The following SUGCT variants were observed in gnomAD, a reference collection of about 807,000 sequenced individuals.
SUGCT encodes the protein succinyl-CoA:glutarate CoA-transferase.
SUGCT carries 41 observed loss-of-function variants against 55.0 expected under a neutral mutation model. The observed-to-expected ratio is 0.74, with a 90% CI of 0.58 to 0.97. The LOEUF (loss-of-function observed/expected upper bound fraction) is 0.97, where lower values mean the gene tolerates loss of function less well. SUGCT is among the 50% of genes least tolerant of loss of function. The pLI, the probability that SUGCT is intolerant of heterozygous loss-of-function variation, is 0.00. For synonymous variants in SUGCT, 187 were observed against 200.4 expected (o/e 0.93, Z 0.56); for missense variants, 568 against 547.8 (o/e 1.04, Z -0.37).
chr7:40,950,662 A>C, the SUGCT span, among the ~76,000 whole-genome samples: 1 of 152,184 alleles, frequency 6.6e-6, no homozygotes, highest in Admixed American at 6.5e-5. Flanking sequence ...AGTTTTTAAC[A>C]TGAAGGGCTG....
chr7:40,299,395 AAAC>A (rs1484994914), intron 8 of SUGCT, among the ~76,000 whole-genome samples: 12 of 152,154 alleles, frequency 7.9e-5, no homozygotes, highest in Admixed American at 1.3e-4. Context: ...AAAACAAGAA[AAAC>A]AACAACAACA....
intron 12 of SUGCT, among the ~76,000 whole-genome samples, chr7:40,596,901 T>C (rs1356931008): frequency 6.6e-6 from 1 of 152,206 alleles, no homozygotes; most frequent in South Asian, 2.1e-4. Flanking sequence ...TTTCTGTAAC[T>C]AGTAGCAAGC....
At chr7:40,909,609 C>T in the SUGCT span, among the ~76,000 whole-genome samples, 8 of 152,282 alleles carry the variant, frequency 5.3e-5, no homozygotes, top group Middle Eastern at 3.4e-3. Flanking sequence ...CCTTCACTAA[C>T]GACGGCCTTT....
At chr7:40,152,373 C>A (rs1279901564) in intron 1 of SUGCT, 1 of 152,608 alleles carries the variant, frequency 6.6e-6, no homozygotes, top group Non-Finnish European at 1.5e-5. Flanking sequence ...AGGTCAGATC[C>A]CTTTCTCTGT....
chr7:40,448,946 GTGTGTATA>G (rs1789023301), intron 9 of SUGCT, among the ~76,000 whole-genome samples: 1 of 145,398 alleles, frequency 6.9e-6, no homozygotes. Context: ...GTGTGTGTGT[GTGTGTATA>G]TATATATAGA....
At chr7:40,304,049 A>C (rs1359657316) in intron 8 of SUGCT, among the ~76,000 whole-genome samples, 1 of 122,458 alleles carries the variant, frequency 8.2e-6, no homozygotes, top group South Asian at 2.4e-4. Flanking sequence ...ACTCCATCTC[A>C]AAAAAAAAAA....
intron 13 of SUGCT, among the ~76,000 whole-genome samples, chr7:40,761,832 A>G (rs12540736): frequency 0.013 from 2,055 of 152,314 alleles, 144 homozygotes; most frequent in East Asian, 0.092. Flanking sequence ...AGGAAACCAA[A>G]TAAGAAAACT....
intron 11 of SUGCT, among the ~76,000 whole-genome samples, chr7:40,486,517 TTGG>T (rs1791358881): frequency 6.6e-6 from 1 of 152,078 alleles, no homozygotes; most frequent in African/African-American, 2.4e-5. Context: ...AATTTTGGGG[TTGG>T]TCTGTTTTTG....
At chr7:40,488,287 G>A (rs768632924) in intron 11 of SUGCT, among the ~76,000 whole-genome samples, 14 of 151,982 alleles carry the variant, frequency 9.2e-5, no homozygotes, top group South Asian at 2.1e-4. Context: ...GTTATAGCAC[G>A]TAACAATAGT....
the SUGCT span, among the ~76,000 whole-genome samples, chr7:40,977,219 G>A: frequency 2.6e-5 from 4 of 152,212 alleles, no homozygotes; most frequent in Non-Finnish European, 5.9e-5. Flanking sequence ...GCTGCTGGGA[G>A]GGAGAGAAAA....
chr7:40,140,752 A>G (rs1787940310), intron 1 of SUGCT, among the ~76,000 whole-genome samples: 1 of 152,166 alleles, frequency 6.6e-6, no homozygotes, highest in South Asian at 2.1e-4. Flanking sequence ...TGGCTACTAT[A>G]GCCTTGTAGT....
the SUGCT span, among the ~76,000 whole-genome samples, chr7:40,905,164 T>C: frequency 2.6e-5 from 4 of 152,306 alleles, no homozygotes; most frequent in East Asian, 7.7e-4. Context: ...AATAAACTAT[T>C]CGTATTGAGT....
At position 40,193,844 on chromosome 7, in the gene SUGCT, G is replaced by GC. The variant is rs760810527; in HGVS notation, c.364-1090dup. Among the ~76,000 whole-genome samples, 23 of 152,050 alleles carry GC rather than the reference G, an allele frequency of 1.5e-4. No individual in the cohort carries two copies. The East Asian group carries it at 2.7e-3, about 18-fold the overall frequency. The stretch of plus-strand genomic sequence containing the variant: ...TTGAACTCCTGACCTCAAATGATCT[G>GC]CCCCCCTCGGCCTCCCAAAGTGCTG... On this transcript the variant is annotated intron_variant, in intron 5 of 13. Transcript: ENST00000335693.
intron 8 of SUGCT, among the ~76,000 whole-genome samples, chr7:40,279,032 T>G (rs909917337): frequency 6.7e-6 from 1 of 148,992 alleles, no homozygotes; most frequent in African/African-American, 2.5e-5. Flanking sequence ...TGGGGGGGTC[T>G]GACTGTGTTG....
At chr7:40,970,448 A>G in the SUGCT span, among the ~76,000 whole-genome samples, 1 of 152,186 alleles carries the variant, frequency 6.6e-6, no homozygotes, top group Admixed American at 6.5e-5. Context: ...CTGGGACTAC[A>G]GGCATGAGCC....
rs116192906 is a variant in SUGCT at position 40,598,300 on chromosome 7, A to G, written c.1089+101914A>G. Among the ~76,000 whole-genome samples, 432 of 152,298 alleles carry G rather than the reference A, an allele frequency of 2.8e-3. 4 individuals are homozygous for G. Among genetic ancestry groups the G allele is most frequent in the African/African-American group, 9.8e-3 (407 of 41,560 alleles). ...GTGGGCCCCTCTCTACCAGTAGACT[A>G]TAGTTAGAGTGATGATTCAGCCAAG... On this transcript the variant is annotated intron_variant, in intron 12 of 13. Transcript: ENST00000335693.
chr7:40,869,160 G>C, the SUGCT span, among the ~76,000 whole-genome samples: 1 of 152,136 alleles, frequency 6.6e-6, no homozygotes, highest in African/African-American at 2.4e-5. Flanking sequence ...CTAAGTAAGT[G>C]CTTCTATGGA....
chr7:40,139,140 A>C (rs1019776732), intron 1 of SUGCT, among the ~76,000 whole-genome samples: 8 of 139,584 alleles, frequency 5.7e-5, no homozygotes, highest in African/African-American at 2.4e-4. Context: ...ATAAATAAAT[A>C]AATAAATAAA....
At chr7:40,556,358 A>G (rs1795559500) in intron 12 of SUGCT, among the ~76,000 whole-genome samples, 1 of 150,992 alleles carries the variant, frequency 6.6e-6, no homozygotes, top group Non-Finnish European at 1.5e-5. Context: ...CTTGAGGTGG[A>G]CACACTACAG....
Sources: gnomAD v4.1 joint callset for allele counts (sites outside exome capture counted in the v4.1 genomes callset) on GRCh38, gnomAD v4.1.1 for gene constraint, MANE v1.5 for transcripts, NCBI Gene and HGNC (gene_info 2026-07-23, HGNC 2026-07-21) for gene names.